The following TLE4 variants were observed in gnomAD, a reference collection of about 807,000 sequenced individuals.
TLE4 encodes the protein TLE family member 4, transcriptional corepressor.
TLE4 carries 8 observed loss-of-function variants against 92.8 expected under a neutral mutation model. The observed-to-expected ratio is 0.09, with a 90% CI of 0.05 to 0.16. The LOEUF (loss-of-function observed/expected upper bound fraction) is 0.16. TLE4 is among the 10% of genes least tolerant of loss of function. The pLI, the probability that TLE4 is intolerant of heterozygous loss-of-function variation, is 1.00. For synonymous variants in TLE4, 371 were observed against 374.1 expected, an observed-to-expected ratio of 0.99 and a Z score of 0.10; for missense variants, 675 against 997.6, an observed-to-expected ratio of 0.68 and a Z score of 4.36.
intron 14 of TLE4, among the ~76,000 whole-genome samples, chr9:79,711,306 C>T (rs2073223079): frequency 7.8e-6 from 1 of 127,722 alleles, no homozygotes; most frequent in Non-Finnish European, 1.6e-5. Context: ...ATTCTGTGTA[C>T]CTGTGTGTGT....
At chr9:79,704,619 T>C in intron 8 of TLE4, 164 bp from the exon 9 acceptor site, 4 of 851,874 alleles carry the variant, frequency 4.7e-6, no homozygotes, top group Non-Finnish European at 7.0e-6. Flanking sequence ...TTTATATCCC[T>C]GTTTTCTTCC....
chr9:79,624,724 C>T (rs995835329), intron 5 of TLE4, among the ~76,000 whole-genome samples: 1 of 152,198 alleles, frequency 6.6e-6, no homozygotes, highest in African/African-American at 2.4e-5. Context: ...CATCTTTGCC[C>T]ATTTTAGCAA....
At chr9:79,628,707 T>A (rs187411673) in intron 6 of TLE4, among the ~76,000 whole-genome samples, 96 of 152,218 alleles carry the variant, frequency 6.3e-4, no homozygotes, top group Non-Finnish European at 1.2e-3. Flanking sequence ...GAAGAAGCCA[T>A]GTAGAATCAT....
At chr9:79,693,729 A>G in intron 8 of TLE4, 3 of 488,722 alleles carry the variant, frequency 6.1e-6, no homozygotes, top group South Asian at 1.5e-5. Context: ...TTGTCCTTGC[A>G]TTAAAAAGTG....
At chr9:79,617,358 T>C (rs970189310) in intron 5 of TLE4, among the ~76,000 whole-genome samples, 2 of 152,158 alleles carry the variant, frequency 1.3e-5, no homozygotes, top group Non-Finnish European at 2.9e-5. Flanking sequence ...GTTGTGTTTT[T>C]TGTACTCTTG....
At chr9:79,624,465 G>C (rs2051945014) in intron 5 of TLE4, among the ~76,000 whole-genome samples, 1 of 152,152 alleles carries the variant, frequency 6.6e-6, no homozygotes, top group Non-Finnish European at 1.5e-5. Flanking sequence ...AACAGTGAAT[G>C]ATTCATGGGT....
intron 4 of TLE4, among the ~76,000 whole-genome samples, chr9:79,608,335 T>C (rs560124720): frequency 1.5e-4 from 23 of 152,170 alleles, no homozygotes; most frequent in Admixed American, 2.6e-4. Flanking sequence ...TACAGTTTCT[T>C]TAGAAAATTT....
intron 4 of TLE4, among the ~76,000 whole-genome samples, chr9:79,601,252 G>T (rs902202075): frequency 1.3e-5 from 2 of 152,100 alleles, no homozygotes; most frequent in African/African-American, 4.8e-5. Context: ...GAATAGCATG[G>T]TATCCTAAAT....
chr9:79,611,309 G>T (rs1047416379), intron 4 of TLE4, among the ~76,000 whole-genome samples: 1 of 152,086 alleles, frequency 6.6e-6, no homozygotes, highest in African/African-American at 2.4e-5. Flanking sequence ...ATTCACTGCA[G>T]CTTATTGGTG....
intron 6 of TLE4, among the ~76,000 whole-genome samples, chr9:79,629,307 G>A (rs1339389142): frequency 1.3e-5 from 2 of 151,994 alleles, no homozygotes; most frequent in Admixed American, 1.3e-4. Flanking sequence ...TGCTTAATAT[G>A]AGGGAAGATA....
chr9:79,706,602 T>C, intron 10 of TLE4, 145 bp from the exon 11 acceptor site: 1 of 1,031,946 alleles, frequency 9.7e-7, no homozygotes, highest in Non-Finnish European at 1.4e-6. Flanking sequence ...TCGTTAGTAG[T>C]TTCAGTGAGT....
chr9:79,710,080 G>T (rs2072851399), intron 14 of TLE4, among the ~76,000 whole-genome samples: 1 of 152,188 alleles, frequency 6.6e-6, no homozygotes, highest in Non-Finnish European at 1.5e-5. Flanking sequence ...AAGGAAATAA[G>T]GGCACTCTTA....
At chr9:79,721,683 T>C (rs1268507628) in intron 16 of TLE4, 58 bp from the exon 17 acceptor site, 9 of 1,608,440 alleles carry the variant, frequency 5.6e-6, no homozygotes, top group East Asian at 4.5e-5. Context: ...GAATTCTAAA[T>C]TGATTTTAAC....
At position 79,725,706 on chromosome 9, in the gene TLE4, C is replaced by T. The variant is rs1565253121; in HGVS notation, c.*562C>T. 1 of 152,704 alleles carries T rather than the reference C, an allele frequency of 6.5e-6. No homozygotes were observed. Among genetic ancestry groups the T allele is most frequent in the East Asian group, 1.9e-4 (1 of 5,200 alleles). 9.5% of individuals were successfully genotyped at this position (152,704 alleles called of 1,614,324 possible). ...TTTTGTTTTCTACATCTTTTAAAGA[C>T]TTTTGGAAATTTGGCTGAACAATTA... On this transcript the variant is annotated 3_prime_UTR_variant, in exon 20 of 20. Transcript: ENST00000376552.
At position 79,668,318 on chromosome 9, in the gene TLE4, G is replaced by A. The variant is rs1256254056; in HGVS notation, c.609+14243G>A. On this transcript the variant is annotated intron_variant, in intron 8 of 19. Coordinates refer to ENST00000376552, the MANE Select transcript of TLE4 (RefSeq NM_007005.6). ...TTGACAAAAGCATTAGATACAAATG[G>A]GAACAAATAAAGTGGTGAGATGCCA... Among the ~76,000 whole-genome samples the A allele has an allele frequency of 3.3e-5, 5 of 152,366 alleles. No individual in the cohort carries two copies. The East Asian group carries it at 7.7e-4, about 23-fold the overall frequency.
At chr9:79,642,190 A>C (rs952753210) in intron 6 of TLE4, among the ~76,000 whole-genome samples, 3 of 152,092 alleles carry the variant, frequency 2.0e-5, no homozygotes, top group Admixed American at 6.6e-5. Context: ...GGATTACTGA[A>C]CAACCTAAAG....
chr9:79,625,014 C>CTTTTTTTTT (rs34968887), intron 5 of TLE4, among the ~76,000 whole-genome samples: 16 of 79,948 alleles, frequency 2.0e-4, no homozygotes, highest in African/African-American at 4.2e-4. Context: ...TATTTCTTTT[C>CTTTTTTTTT]TTTTTTTTTT....
At chr9:79,715,248 A>G (rs921602728) in intron 14 of TLE4, among the ~76,000 whole-genome samples, 1 of 152,222 alleles carries the variant, frequency 6.6e-6, no homozygotes, top group African/African-American at 2.4e-5. Context: ...TTTTCTAATA[A>G]ATTATCATTA....
At chr9:79,589,674 C>T (rs2042059554) in intron 4 of TLE4, among the ~76,000 whole-genome samples, 1 of 152,072 alleles carries the variant, frequency 6.6e-6, no homozygotes, top group Non-Finnish European at 1.5e-5. Context: ...AGAAGTGTTG[C>T]CCTTTATTAG....
Sources: gnomAD v4.1 joint callset for allele counts (sites outside exome capture counted in the v4.1 genomes callset) on GRCh38, gnomAD v4.1.1 for gene constraint, MANE v1.5 for transcripts, NCBI Gene and HGNC (gene_info 2026-07-23, HGNC 2026-07-21) for gene names.